C1QTNF7: variants seen among roughly 807,000 people sequenced by gnomAD.
C1QTNF7 encodes complement C1q tumor necrosis factor-related protein 7.
A neutral mutation model predicts 19.6 loss-of-function variants in C1QTNF7; 15 were observed. The ratio of observed to expected loss-of-function variants is 0.76; its 90% CI spans 0.51 to 1.18. The LOEUF is 1.18. Among genes scored for constraint, C1QTNF7 ranks in the 50% most tolerant of loss-of-function variants. The pLI, the probability that C1QTNF7 is intolerant of heterozygous loss-of-function variation, is 0.00. For missense variants in C1QTNF7, 324 were observed against 359.7 expected (o/e 0.90, Z 0.80); for synonymous variants, 142 against 137.5 (o/e 1.03, Z -0.23).
chr4:15,413,796 A>C (rs1258382281), intron 1 of C1QTNF7, among the ~76,000 whole-genome samples: 1 of 152,220 alleles, frequency 6.6e-6, no homozygotes, highest in Non-Finnish European at 1.5e-5. Flanking sequence ...GACTGATTGC[A>C]TTTCTCAAGT....
chr4:15,348,704 A>C (rs1716800191), intron 1 of C1QTNF7, among the ~76,000 whole-genome samples: 1 of 152,280 alleles, frequency 6.6e-6, no homozygotes, highest in South Asian at 2.1e-4. Flanking sequence ...AAACTCATAC[A>C]TCTGGACATT....
chr4:15,349,840 A>C (rs76734945), intron 1 of C1QTNF7, among the ~76,000 whole-genome samples: 9 of 152,148 alleles, frequency 5.9e-5, no homozygotes, highest in Non-Finnish European at 1.3e-4. Flanking sequence ...CTATTTAGAA[A>C]GATGTTTTGT....
chr4:15,383,140 C>T (rs1248058312), intron 1 of C1QTNF7, among the ~76,000 whole-genome samples: 1 of 152,150 alleles, frequency 6.6e-6, no homozygotes, highest in Non-Finnish European at 1.5e-5. Context: ...CCCACATGTA[C>T]TCAGGAACTC....
At chr4:15,425,731 G>C (rs748342633), upstream of C1QTNF7, among the ~76,000 whole-genome samples, 1 of 152,178 alleles carries the variant, frequency 6.6e-6, no homozygotes. Context: ...AAGAGGTTAT[G>C]ATGAGGATTA....
chr4:15,399,950 A>G (rs985671957), intron 1 of C1QTNF7, among the ~76,000 whole-genome samples: 2 of 152,204 alleles, frequency 1.3e-5, no homozygotes, highest in African/African-American at 4.8e-5. Flanking sequence ...TCACATTTTT[A>G]TGGGTCAGAA....
chr4:15,340,079 A>G (rs1716486438), exon 1 of C1QTNF7: 2 of 1,187,560 alleles, frequency 1.7e-6, no homozygotes, highest in Admixed American at 2.0e-5. Context: ...ATTGTTTTGG[A>G]GTAGCTTCGA....
exon 1 of C1QTNF7, chr4:15,340,028 G>A: frequency 1.2e-6 from 1 of 834,946 alleles, no homozygotes; most frequent in Non-Finnish European, 2.0e-6. Flanking sequence ...GCATTCTCAT[G>A]CTCAGACGAG....
intron 1 of C1QTNF7, among the ~76,000 whole-genome samples, chr4:15,345,530 A>G (rs1268036795): frequency 6.6e-6 from 1 of 152,200 alleles, no homozygotes; most frequent in African/African-American, 2.4e-5. Context: ...AATTTCTGAA[A>G]AGAAAGCAAG....
chr4:15,407,149 C>G (rs1012821284), intron 1 of C1QTNF7, among the ~76,000 whole-genome samples: 1 of 152,016 alleles, frequency 6.6e-6, no homozygotes, highest in Admixed American at 6.5e-5. Context: ...CTCTCCTGGG[C>G]ATGGAAAAAG....
intron 1 of C1QTNF7, among the ~76,000 whole-genome samples, chr4:15,355,485 T>C (rs1331612052): frequency 2.0e-5 from 3 of 152,120 alleles, no homozygotes; most frequent in African/African-American, 4.8e-5. Flanking sequence ...CAAGTTGTCA[T>C]AGATATTGAG....
At chr4:15,357,695 A>C (rs1717193620) in intron 1 of C1QTNF7, among the ~76,000 whole-genome samples, 1 of 152,150 alleles carries the variant, frequency 6.6e-6, no homozygotes, top group South Asian at 2.1e-4. Flanking sequence ...TTTTCACAAT[A>C]TTGATTCTTC....
chr4:15,388,248 T>C (rs1032511538), intron 1 of C1QTNF7, among the ~76,000 whole-genome samples: 8 of 152,186 alleles, frequency 5.3e-5, no homozygotes, highest in African/African-American at 1.7e-4. Context: ...TAAAGAAATA[T>C]GAGAATGTAG....
intron 1 of C1QTNF7, among the ~76,000 whole-genome samples, chr4:15,360,429 A>G (rs1717296995): frequency 6.6e-6 from 1 of 152,078 alleles, no homozygotes; most frequent in Admixed American, 6.6e-5. Context: ...CTTCTTTTTT[A>G]TATATATTGC....
At chr4:15,350,467 C>T (rs1391864281) in intron 1 of C1QTNF7, among the ~76,000 whole-genome samples, 3 of 152,002 alleles carry the variant, frequency 2.0e-5, no homozygotes, top group Non-Finnish European at 2.9e-5. Flanking sequence ...TCATTTTCTT[C>T]CCCTCTGTCA....
rs113130185 is a variant in C1QTNF7 at position 15,344,173 on chromosome 4, G to A, written c.13+3966G>A. On this transcript the variant is annotated intron_variant, in intron 1 of 2. Transcript: ENST00000295297. The stretch of plus-strand genomic sequence containing the variant: ...CAAAGTGCATGCATATGGTGCAGAA[G>A]GAGATAAGCTTAGAGTACTTGATTG... Among the ~76,000 whole-genome samples, 268 of 152,342 alleles carry A rather than the reference G, an allele frequency of 1.8e-3. 2 individuals are homozygous for A. Among genetic ancestry groups the A allele is most frequent in the African/African-American group, 6.2e-3 (259 of 41,586 alleles).
At chr4:15,381,517 A>G (rs1202102774) in intron 1 of C1QTNF7, among the ~76,000 whole-genome samples, 1 of 152,178 alleles carries the variant, frequency 6.6e-6, no homozygotes, top group Non-Finnish European at 1.5e-5. Flanking sequence ...ATAAAATGGG[A>G]AAAACATGAG....
At chr4:15,416,978 G>A (rs1287223956) in intron 1 of C1QTNF7, among the ~76,000 whole-genome samples, 4 of 152,072 alleles carry the variant, frequency 2.6e-5, no homozygotes, top group Non-Finnish European at 5.9e-5. Flanking sequence ...GATTTTTCAG[G>A]GATAGCCCAA....
In C1QTNF7 at chr4:15,421,756, G is replaced by A. The variant is rs192043140; in HGVS notation, c.14-13980G>A. Among the ~76,000 whole-genome samples the A allele has an allele frequency of 8.8e-4, 134 of 152,166 alleles. 1 individual carries two copies. Among genetic ancestry groups the A allele is most frequent in the African/African-American group, 3.1e-3 (128 of 41,514 alleles). ...ATAAGGAGATAATAATACCTACTTCGCTAAGTGGTCAGGACTCACTGTAGG... is the reference window on the plus strand; with the variant it reads ...ATAAGGAGATAATAATACCTACTTCACTAAGTGGTCAGGACTCACTGTAGG... On this transcript the variant is annotated intron_variant, in intron 1 of 2. Transcript: ENST00000295297.
intron 1 of C1QTNF7, among the ~76,000 whole-genome samples, chr4:15,376,472 G>C (rs973392368): frequency 6.6e-6 from 1 of 152,178 alleles, no homozygotes; most frequent in African/African-American, 2.4e-5. Context: ...AATCTGGGTT[G>C]GGTTACTTAA....
Sources: gnomAD v4.1 joint callset for allele counts (sites outside exome capture counted in the v4.1 genomes callset) on GRCh38, gnomAD v4.1.1 for gene constraint, MANE v1.5 for transcripts, NCBI Gene and HGNC (gene_info 2026-07-23, HGNC 2026-07-21) for gene names.